KCNAB2: variants seen among roughly 807,000 people sequenced by gnomAD.
The protein encoded by KCNAB2 is potassium voltage-gated channel subfamily A regulatory beta subunit 2, also known as voltage-gated potassium channel subunit beta-2.
In KCNAB2, 29 loss-of-function variants were observed where a neutral mutation model predicts 63.6. The observed-to-expected ratio is 0.46, with a 90% CI of 0.34 to 0.62. The LOEUF is 0.62. Among genes scored for constraint, KCNAB2 ranks in the 20% least tolerant of loss-of-function variants. The probability of loss-of-function intolerance (pLI) is 0.01; values close to 1 mark genes in which losing one functional copy is unlikely to be tolerated. For missense variants in KCNAB2, 359 were observed against 563.9 expected (o/e 0.64, Z 3.68); for synonymous variants, 222 against 224.2 (o/e 0.99, Z 0.09).
chr1:6,046,200 G>A lies in KCNAB2; in HGVS notation c.-27+17G>A. ...CGAAGGCAGGTGAGTCCTCCCTTCAGCCGCTACCTTCCTAGTGGAGATGCC... is the reference window on the plus strand; with the variant it reads ...CGAAGGCAGGTGAGTCCTCCCTTCAACCGCTACCTTCCTAGTGGAGATGCC... On this transcript the variant is annotated intron_variant, in intron 1 of 15. Transcript: ENST00000378083. 1.0e-6 allele frequency: 1 copy of A among 985,394 alleles called. No individual in the cohort carries two copies. Among genetic ancestry groups the A allele is most frequent in the South Asian group, 4.7e-5 (1 of 21,292 alleles). 61.0% of individuals were successfully genotyped at this position (985,394 alleles called of 1,614,324 possible). A position where few individuals can be genotyped will look rare whatever the true frequency, so the allele number is the denominator to read the frequency against.
upstream of KCNAB2, among the ~76,000 whole-genome samples, chr1:6,042,239 C>G (rs954313939): frequency 6.6e-6 from 1 of 152,186 alleles, no homozygotes; most frequent in Non-Finnish European, 1.5e-5. Context: ...TATCAGAGTA[C>G]AGGACGTGGC....
chr1:6,015,329 C>T (rs932013946), intron 1 of KCNAB2, among the ~76,000 whole-genome samples: 14 of 152,112 alleles, frequency 9.2e-5, no homozygotes, highest in African/African-American at 3.1e-4. Context: ...TGTGCCTGGC[C>T]TCACCTTCCT....
chr1:5,996,529 C>T (rs1241607401), intron 1 of KCNAB2, among the ~76,000 whole-genome samples: 3 of 152,258 alleles, frequency 2.0e-5, no homozygotes, highest in Non-Finnish European at 2.9e-5. Context: ...CCAGGTTCTG[C>T]GTGTCTTCAG....
upstream of KCNAB2, chr1:6,041,923 C>T (rs574163196): frequency 1.0e-5 from 16 of 1,553,046 alleles, no homozygotes; most frequent in East Asian, 1.6e-4. Context: ...GGCCAGGGAG[C>T]GGGTGGGAGG....
Position 6,021,055 on chromosome 1 carries a change from C to T in KCNAB2, c.-52-19462C>T, listed in dbSNP as rs1658788706. On this transcript the variant is annotated intron_variant, in intron 1 of 16. Coordinates refer to the KCNAB2 transcript ENST00000341524. ...GTCACCCAGCTGAAGTACAGTGGCA[C>T]AATCACAGCTCACTGCAGCCTCGAC... is the stretch of plus-strand genomic sequence containing the variant. Among the ~76,000 whole-genome samples the T allele has an allele frequency of 5.3e-5, 8 of 152,340 alleles. No homozygotes were observed. The South Asian group carries it at 1.7e-3, about 32-fold the overall frequency.
chr1:6,090,364 G>A (rs372701749), intron 8 of KCNAB2, 25 bp from the exon 9 acceptor site: 29 of 1,564,104 alleles, frequency 1.9e-5, no homozygotes, highest in Admixed American at 1.0e-4. Context: ...CAGCAGTGAC[G>A]CCCCCCCACC....
At position 6,099,790 on chromosome 1, in the gene KCNAB2, CCCTCCCACTG is replaced by C. The variant is rs1665909966; in HGVS notation, c.*1220_*1229del. 6 of 1,499,748 alleles carry C rather than the reference CCCTCCCACTG, an allele frequency of 4.0e-6. No homozygotes were observed. The highest frequency in any genetic ancestry group is 5.3e-6 in the Non-Finnish European group (6 of 1,122,210). 92.9% of individuals were successfully genotyped at this position (1,499,748 alleles called of 1,614,324 possible). On this transcript the variant is annotated 3_prime_UTR_variant, in exon 16 of 16. Transcript: ENST00000378083. ...GGAAAGACGGGCAGGGCTGGTTAGCCCCTCCCACTGCCTGACACCTGGGACAGGCTGGGCA... is the reference window on the plus strand; with the variant it reads ...GGAAAGACGGGCAGGGCTGGTTAGCCCCTGACACCTGGGACAGGCTGGGCA...
At chr1:6,068,549 G>T (rs912917713) in intron 2 of KCNAB2, among the ~76,000 whole-genome samples, 3 of 152,196 alleles carry the variant, frequency 2.0e-5, no homozygotes, top group Non-Finnish European at 4.4e-5. Context: ...CTGCTGTCAC[G>T]GCGGGAGGGT....
At chr1:6,040,716 C>T (rs921282477) in intron 2 of KCNAB2, 3 of 949,928 alleles carry the variant, frequency 3.2e-6, no homozygotes, top group South Asian at 2.7e-5. Flanking sequence ...TTCCCAAGGC[C>T]ACTGTCCTCC....
At chr1:6,037,359 C>G (rs941153436) in intron 1 of KCNAB2, among the ~76,000 whole-genome samples, 1 of 152,252 alleles carries the variant, frequency 6.6e-6, no homozygotes, top group Non-Finnish European at 1.5e-5. Flanking sequence ...TTCTGCAAGG[C>G]TGTGTGAGGA....
chr1:6,098,312 C>G, intron 15 of KCNAB2, 173 bp from the exon 16 acceptor site: 5 of 1,425,166 alleles, frequency 3.5e-6, no homozygotes, highest in Admixed American at 2.9e-5. Flanking sequence ...TGCCCCAAAC[C>G]TTCTGAAACA....
chr1:6,075,538 G>A (rs1445425599), intron 4 of KCNAB2, among the ~76,000 whole-genome samples: 1 of 152,206 alleles, frequency 6.6e-6, no homozygotes, highest in African/African-American at 2.4e-5. Context: ...TAGCAAAGGA[G>A]CAAGACAAAT....
rs1664734403 is a variant in KCNAB2, at chr1:6,086,769, C to CT, written c.426-697dup. ...CTCAAGCCCAAATCCTCAGAATTCT[C>CT]TGCCTCAGCTACTCAAACCCAGAAC... On this transcript the variant is annotated intron_variant, in intron 6 of 15. Coordinates refer to ENST00000378083, the MANE Select transcript of KCNAB2 (RefSeq NM_001199862.2). The surrounding 1 kb of genome is among the most constrained non-coding windows in gnomAD (Gnocchi z 4.2). Among the ~76,000 whole-genome samples, 2 of 152,160 alleles carry CT rather than the reference C, an allele frequency of 1.3e-5. No homozygotes were observed. Among genetic ancestry groups the CT allele is most frequent in the Non-Finnish European group, 2.9e-5 (2 of 68,012 alleles).
intron 2 of KCNAB2, among the ~76,000 whole-genome samples, chr1:6,060,640 G>A (rs781769783): frequency 6.6e-6 from 1 of 152,192 alleles, no homozygotes; most frequent in Admixed American, 6.5e-5. Context: ...GGTGGCTCAC[G>A]CCTGCAATCC....
At chr1:6,013,051 C>G (rs556057286) in intron 1 of KCNAB2, among the ~76,000 whole-genome samples, 20 of 152,242 alleles carry the variant, frequency 1.3e-4, no homozygotes, top group African/African-American at 4.8e-4. Context: ...AGAACATGAC[C>G]TCCCATCGCT....
intron 4 of KCNAB2, among the ~76,000 whole-genome samples, chr1:6,077,834 G>C (rs1663807641): frequency 1.3e-5 from 2 of 152,226 alleles, no homozygotes; most frequent in Non-Finnish European, 1.5e-5. Context: ...GAGGGCGACA[G>C]GGTAAAGAGG....
intron 2 of KCNAB2, 147 bp downstream of exon 2, chr1:6,051,901 C>T (rs1487115124): frequency 2.1e-6 from 2 of 933,580 alleles, no homozygotes; most frequent in Non-Finnish European, 3.1e-6. Flanking sequence ...ATCAGGAGCT[C>T]GAGACCAGCC....
At chr1:6,045,063 A>G (rs928738093), upstream of KCNAB2, among the ~76,000 whole-genome samples, 4 of 152,092 alleles carry the variant, frequency 2.6e-5, no homozygotes, top group African/African-American at 9.7e-5. This position sits in a 1 kb window ranked among gnomAD's most constrained non-coding sequence, Gnocchi z 4.8. Flanking sequence ...TTCAATTGCC[A>G]AGGCCTTCGC....
chr1:6,088,949 G>A (rs1291502577), intron 7 of KCNAB2, 59 bp from the exon 8 acceptor site: 14 of 1,498,462 alleles, frequency 9.3e-6, no homozygotes, highest in Non-Finnish European at 1.3e-5. Context: ...ACGTTTTTTG[G>A]GAGGGGCCAG....
Sources: gnomAD v4.1 joint callset for allele counts (sites outside exome capture counted in the v4.1 genomes callset) on GRCh38, gnomAD v4.1.1 for gene constraint, Gnocchi (gnomAD v3.1) non-coding constraint, MANE v1.5 for transcripts, NCBI Gene and HGNC (gene_info 2026-07-23, HGNC 2026-07-21) for gene names.